The following ACAT2 variants were observed in gnomAD, a reference collection of about 807,000 sequenced individuals.
ACAT2 encodes the protein acetyl-CoA acetyltransferase, cytosolic.
A neutral mutation model predicts 37.1 loss-of-function variants in ACAT2; 26 were observed. The observed-to-expected ratio is 0.70, with a 90% CI of 0.51 to 0.97. ACAT2 has a LOEUF of 0.97. Ranked by LOEUF, ACAT2 falls within the 50% of genes least tolerant of loss-of-function variation. The pLI, the probability that ACAT2 is intolerant of heterozygous loss-of-function variation, is 0.00. For missense variants in ACAT2, 468 were observed against 489.0 expected (o/e 0.96, Z 0.40); for synonymous variants, 156 against 163.6 (o/e 0.95, Z 0.35).
intron 6 of ACAT2, among the ~76,000 whole-genome samples, chr6:159,777,054 T>C (rs1175302368): frequency 6.6e-6 from 1 of 152,226 alleles, no homozygotes; most frequent in African/African-American, 2.4e-5. Context: ...CCCAAAGTGC[T>C]GGGATTACAG....
intron 5 of ACAT2, 99 bp from the exon 6 acceptor site, chr6:159,776,051 A>C (rs1248051945): frequency 1.4e-6 from 2 of 1,383,180 alleles, no homozygotes; most frequent in Admixed American, 4.4e-5. Context: ...TTTCTGCTAA[A>C]TATGAATCCT....
At chr6:159,778,363 A>G in intron 8 of ACAT2, 83 bp downstream of exon 8, 10 of 900,064 alleles carry the variant, frequency 1.1e-5, no homozygotes, top group Non-Finnish European at 1.6e-5. Context: ...GGTGTTGGCC[A>G]TGTGGGTAAT....
chr6:159,770,819 C>T (rs1333928795), intron 4 of ACAT2, among the ~76,000 whole-genome samples: 1 of 152,202 alleles, frequency 6.6e-6, no homozygotes, highest in Non-Finnish European at 1.5e-5. Context: ...AATCCCAGCA[C>T]TTTGGGAGGC....
Position 159,778,080 on chromosome 6 carries a change from A to G in ACAT2, c.913-90A>G, listed in dbSNP as rs1780463679. 3.7e-6 allele frequency: 3 copies of G among 819,462 alleles called. No individual in the cohort carries two copies. The South Asian group carries it at 5.1e-5, about 14-fold the overall frequency. 50.8% of individuals were successfully genotyped at this position (819,462 alleles called of 1,614,324 possible). ...AACCAAAGTAGCAGTTACCAGTATC[A>G]TGCAGCATATATTTATGTTGACAAA... On this transcript the variant is annotated intron_variant, in intron 7 of 8. Coordinates refer to ENST00000367048, the MANE Select transcript of ACAT2 (RefSeq NM_005891.3).
At position 159,779,037 on chromosome 6, in the gene ACAT2, A is replaced by C. The variant is rs1285436735; in HGVS notation, c.*208A>C. 5 of 1,609,562 alleles carry C rather than the reference A, an allele frequency of 3.1e-6. No homozygotes were observed. In the South Asian group the frequency reaches 4.4e-5, roughly 14 times the overall value. ...TTTAACATTGTTATAAATAAAAGGA[A>C]CATCAGATCAATCATTAAGGGCTCC... On this transcript the variant is annotated 3_prime_UTR_variant, in exon 9 of 9. Transcript: ENST00000367048.
intron 8 of ACAT2, 147 bp from the exon 9 acceptor site, chr6:159,778,512 G>A (rs1780484583): frequency 3.3e-6 from 3 of 900,792 alleles, no homozygotes; most frequent in Non-Finnish European, 3.3e-6. Flanking sequence ...TTTTCACAAA[G>A]GTGTAAATTT....
At position 159,762,095 on chromosome 6, in the gene ACAT2, C is replaced by T. The variant is rs1435910943; in HGVS notation, c.8C>T (p.Ala3Val). The T allele has an allele frequency of 6.2e-7, 1 of 1,613,178 alleles. No homozygotes were observed. The highest frequency in any genetic ancestry group is 1.7e-5 in the Admixed American group (1 of 59,946). Reference sequence around the variant, plus strand: ...GGCGGCAGGAGAAGCAAGATGAATGCAGGCTCAGATCCTGTGGTCATCGTC... The same window carrying T: ...GGCGGCAGGAGAAGCAAGATGAATGTAGGCTCAGATCCTGTGGTCATCGTC... Reference protein sequence around the residue: MNAGSDPVVIVSA... With the variant: MNVGSDPVVIVSA... The change falls in exon 1 of 9, where the codon GCA becomes GTA. Residue 3 changes from alanine to valine, a missense_variant. Coordinates refer to ENST00000367048, the MANE Select transcript of ACAT2 (RefSeq NM_005891.3).
At chr6:159,769,166 T>C (rs1780298823) in intron 4 of ACAT2, among the ~76,000 whole-genome samples, 1 of 152,226 alleles carries the variant, frequency 6.6e-6, no homozygotes, top group African/African-American at 2.4e-5. Context: ...TGGCTCTGGT[T>C]TTATGTAACA....
At chr6:159,776,455 A>G (rs1462703098) in intron 6 of ACAT2, among the ~76,000 whole-genome samples, 183 bp downstream of exon 6, 1 of 152,210 alleles carries the variant, frequency 6.6e-6, no homozygotes, top group Non-Finnish European at 1.5e-5. Context: ...CCTGGGCTCA[A>G]GTGAGCCCCC....
intron 1 of ACAT2, chr6:159,762,401 C>G (rs1046114050): frequency 7.3e-7 from 1 of 1,379,104 alleles, no homozygotes; most frequent in African/African-American, 1.5e-5. Context: ...CATCGCGTGG[C>G]CTGCCTCTCC....
Position 159,777,403 on chromosome 6 carries a change from G to C in ACAT2, c.859G>C (p.Gly287Arg), listed in dbSNP as rs1250435300. ...ACGGATAGTTTCCTGGTCCCAAGTGGGTGTGGAGCCTTCCATTATGGGAAT... is the reference window on the plus strand; with the variant it reads ...ACGGATAGTTTCCTGGTCCCAAGTGCGTGTGGAGCCTTCCATTATGGGAAT... ...LARIVSWSQV[G>R]VEPSIMGIGP... Residue 287 changes from glycine to arginine, a missense_variant, in exon 7 of 9, where the codon GGT becomes CGT. Gly to Arg is a moderately radical substitution (Grantham distance 125). Transcript: ENST00000367048. 2.5e-6 allele frequency: 4 copies of C among 1,614,154 alleles called. No homozygotes were observed. Among genetic ancestry groups the C allele is most frequent in the Non-Finnish European group, 3.4e-6 (4 of 1,180,028 alleles).
chr6:159,766,911 C>G, intron 2 of ACAT2, 94 bp from the exon 3 acceptor site: 1 of 1,478,140 alleles, frequency 6.8e-7, no homozygotes, highest in Non-Finnish European at 9.3e-7. Flanking sequence ...TCAGAAGTGG[C>G]AGGTAACCCA....
intron 3 of ACAT2, among the ~76,000 whole-genome samples, chr6:159,768,030 C>G (rs1390814150): frequency 6.6e-6 from 1 of 152,214 alleles, no homozygotes; most frequent in Non-Finnish European, 1.5e-5. Flanking sequence ...TCTTTCCATT[C>G]TAATATACCT....
At chr6:159,776,016 A>T (rs1040575210) in intron 5 of ACAT2, 134 bp from the exon 6 acceptor site, 1 of 944,184 alleles carries the variant, frequency 1.1e-6, no homozygotes, top group Non-Finnish European at 1.6e-6. Flanking sequence ...TCCTGTTGTC[A>T]TCAAAGTGGT....
chr6:159,778,124 C>T (rs1780464907), intron 7 of ACAT2, 46 bp from the exon 8 acceptor site: 1 of 1,330,234 alleles, frequency 7.5e-7, no homozygotes, highest in East Asian at 2.3e-5. Flanking sequence ...TAACTTTAGC[C>T]TTTCCACCCA....
chr6:159,766,600 C>T (rs930779516), intron 2 of ACAT2, among the ~76,000 whole-genome samples: 1 of 152,168 alleles, frequency 6.6e-6, no homozygotes, highest in Non-Finnish European at 1.5e-5. Flanking sequence ...AGAGTTTCTC[C>T]ATGTTGGTCA....
intron 4 of ACAT2, among the ~76,000 whole-genome samples, chr6:159,771,088 A>AATTAAATTAC (rs1403399743): frequency 2.6e-5 from 4 of 151,922 alleles, no homozygotes; most frequent in South Asian, 2.1e-4. Flanking sequence ...AATTAAATTA[A>AATTAAATTAC]ATTAAAAAAT....
intron 2 of ACAT2, among the ~76,000 whole-genome samples, chr6:159,763,656 T>C (rs1219911964): frequency 1.7e-5 from 2 of 120,922 alleles, no homozygotes; most frequent in Admixed American, 1.7e-4. Flanking sequence ...TTTTTTTTTT[T>C]TGAGACGGAG....
intron 2 of ACAT2, among the ~76,000 whole-genome samples, chr6:159,763,764 C>G (rs1399197760): frequency 1.4e-5 from 2 of 148,010 alleles, no homozygotes; most frequent in Non-Finnish European, 3.0e-5. Flanking sequence ...CTCAGCCTCC[C>G]GAGTAGCTGG....
Sources: gnomAD v4.1 joint callset for allele counts (sites outside exome capture counted in the v4.1 genomes callset) on GRCh38, gnomAD v4.1.1 for gene constraint, MANE v1.5 for transcripts, NCBI Gene and HGNC (gene_info 2026-07-23, HGNC 2026-07-21) for gene names.